CAPS2: variants seen among roughly 807,000 people sequenced by gnomAD.
CAPS2 encodes calcyphosine 2, also known as calcyphosin-2.
CAPS2 carries 98 observed loss-of-function variants against 86.5 expected under a neutral mutation model. That is an observed-to-expected ratio of 1.13 (90% CI 0.96 to 1.34). The LOEUF (loss-of-function observed/expected upper bound fraction) is 1.34. Ranked by LOEUF, CAPS2 falls within the 40% of genes most tolerant of loss-of-function variation. The pLI, the probability that CAPS2 is intolerant of heterozygous loss-of-function variation, is 0.00. For missense variants in CAPS2, 729 were observed against 686.8 expected, an observed-to-expected ratio of 1.06 and a Z score of -0.69; for synonymous variants, 210 against 225.1, an observed-to-expected ratio of 0.93 and a Z score of 0.60.
chr12:75,331,217 A>C (rs1211865252), upstream of CAPS2, among the ~76,000 whole-genome samples: 2 of 152,236 alleles, frequency 1.3e-5, no homozygotes, highest in Admixed American at 6.5e-5. Flanking sequence ...TAAATTACAC[A>C]GCCAAGAGTC....
intron 1 of CAPS2, among the ~76,000 whole-genome samples, chr12:75,380,405 T>C (rs1431555079): frequency 2.6e-5 from 4 of 152,150 alleles, no homozygotes; most frequent in Non-Finnish European, 1.5e-5. Flanking sequence ...GAAAGCAACA[T>C]ATCACTTGCC....
intron 7 of CAPS2, chr12:75,305,944 C>A (rs1181231286): frequency 3.5e-6 from 4 of 1,131,538 alleles, no homozygotes; most frequent in Non-Finnish European, 3.9e-6. Flanking sequence ...AGCGCTGGAG[C>A]CCGAGGAGCA....
At position 75,288,221 on chromosome 12, in the gene CAPS2, C is replaced by T. The variant is rs2035242807; in HGVS notation, c.1395+1400G>A. Among the ~76,000 whole-genome samples, 3 of 152,066 alleles carry T rather than the reference C, an allele frequency of 2.0e-5. No individual in the cohort carries two copies. The South Asian group carries it at 6.2e-4, about 32-fold the overall frequency. ...AAACGAAGAGAGGAAGTTAGATGAT[C>T]CCTAGTATGTATCACTAGGTAGGCA... On this transcript the variant is annotated intron_variant, in intron 14 of 16. Transcript: ENST00000393284.
exon 17 of CAPS2, chr12:75,277,366 T>C (rs1269093809): frequency 1.0e-6 from 1 of 976,690 alleles, no homozygotes; most frequent in Non-Finnish European, 1.2e-6. Context: ...CCAGTATTAG[T>C]CATTTTTAAC....
At chr12:75,306,409 T>G in intron 7 of CAPS2, 1 of 387,496 alleles carries the variant, frequency 2.6e-6, no homozygotes, top group Admixed American at 3.3e-5. Context: ...ACCAGGCCTG[T>G]GGAAGGGTGG....
chr12:75,358,076 T>A (rs2043272373), intron 1 of CAPS2, among the ~76,000 whole-genome samples: 1 of 151,270 alleles, frequency 6.6e-6, no homozygotes, highest in South Asian at 2.1e-4. Context: ...AACATTTTAT[T>A]AATAAAATTT....
intron 1 of CAPS2, among the ~76,000 whole-genome samples, chr12:75,377,602 A>G (rs1207379209): frequency 2.0e-5 from 3 of 152,116 alleles, no homozygotes; most frequent in Non-Finnish European, 4.4e-5. Flanking sequence ...AGCACAGGAG[A>G]AAGATGAAGG....
chr12:75,377,828 T>A (rs1295696369), intron 1 of CAPS2, among the ~76,000 whole-genome samples: 7 of 141,588 alleles, frequency 4.9e-5, no homozygotes, highest in Non-Finnish European at 9.1e-5. Flanking sequence ...ATACTTAATA[T>A]TAACCATCAC....
At chr12:75,282,458 C>A (rs1240744417) in intron 15 of CAPS2, 111 bp from the exon 16 acceptor site, 10 of 712,508 alleles carry the variant, frequency 1.4e-5, no homozygotes, top group Non-Finnish European at 2.5e-5. Flanking sequence ...GTGATCTCAG[C>A]TCACTGCAAT....
chr12:75,283,215 T>A (rs2034292333), intron 15 of CAPS2, among the ~76,000 whole-genome samples: 3 of 152,332 alleles, frequency 2.0e-5, no homozygotes, highest in African/African-American at 7.2e-5. Flanking sequence ...TAAGATATCA[T>A]GAAATATTTC....
In CAPS2 at chr12:75,306,141, C is replaced by T. The variant is rs952993319; in HGVS notation, c.660-1265G>A. The T allele has an allele frequency of 1.6e-5, 17 of 1,095,066 alleles. No individual in the cohort carries two copies. In the African/African-American group the frequency reaches 2.3e-4, roughly 15 times the overall value. 67.8% of individuals were successfully genotyped at this position (1,095,066 alleles called of 1,614,324 possible). On this transcript the variant is annotated intron_variant, in intron 7 of 16. Transcript: ENST00000393284. ...CATTCGGGAACGTGCGGAAGCTCATCACCGAGGAGTTCGTCCAGCAGAATT... is the reference window on the plus strand; with the variant it reads ...CATTCGGGAACGTGCGGAAGCTCATTACCGAGGAGTTCGTCCAGCAGAATT...
At chr12:75,379,090 C>T (rs1405937673) in intron 1 of CAPS2, among the ~76,000 whole-genome samples, 1 of 152,128 alleles carries the variant, frequency 6.6e-6, no homozygotes, top group Non-Finnish European at 1.5e-5. Flanking sequence ...AAAACATCCT[C>T]TGATTTTTAA....
intron 8 of CAPS2, among the ~76,000 whole-genome samples, chr12:75,302,266 A>G (rs1299736518): frequency 6.6e-6 from 1 of 152,228 alleles, no homozygotes; most frequent in Non-Finnish European, 1.5e-5. Flanking sequence ...GATTAGCTTT[A>G]AACAAGCTGT....
chr12:75,345,670 T>C (rs750138744), intron 1 of CAPS2, among the ~76,000 whole-genome samples: 3 of 152,146 alleles, frequency 2.0e-5, no homozygotes, highest in Non-Finnish European at 2.9e-5. Flanking sequence ...AAGTATATGG[T>C]TTGGATACTA....
exon 17 of CAPS2, chr12:75,277,515 T>A: frequency 1.1e-6 from 1 of 918,930 alleles, no homozygotes; most frequent in South Asian, 5.0e-5. Flanking sequence ...ATAACCTAAT[T>A]TTTAAAAAAA....
rs141131084 is a variant in CAPS2 at position 75,296,582 on chromosome 12, G to A, written c.1044+2105C>T. Among the ~76,000 whole-genome samples, 131 of 152,264 alleles carry A rather than the reference G, an allele frequency of 8.6e-4. 1 individual carries two copies. The highest frequency in any genetic ancestry group is 3.1e-3 in the African/African-American group (128 of 41,552). ...GCTGGGATTACAGGCGTGAGCCACC[G>A]CACCCAGCGTGGTCTCACTTTTATG... On this transcript the variant is annotated intron_variant, in intron 11 of 16. Transcript: ENST00000393284.
At chr12:75,352,516 AC>A (rs1180683156) in intron 1 of CAPS2, among the ~76,000 whole-genome samples, 2 of 152,216 alleles carry the variant, frequency 1.3e-5, no homozygotes, top group Non-Finnish European at 2.9e-5. Flanking sequence ...GTTCTTAGAG[AC>A]CTACAAAGTG....
At chr12:75,323,007 T>A in exon 4 of CAPS2, 1 of 1,548,416 alleles carries the variant, frequency 6.5e-7, no homozygotes, top group South Asian at 1.2e-5. Flanking sequence ...TATATGGAGT[T>A]TGACATGGTG....
chr12:75,346,921 T>A (rs892525244), intron 1 of CAPS2, among the ~76,000 whole-genome samples: 1 of 152,164 alleles, frequency 6.6e-6, no homozygotes, highest in African/African-American at 2.4e-5. Flanking sequence ...CCAGTATTTT[T>A]TTCCCTTTTT....
Sources: gnomAD v4.1 joint callset for allele counts (sites outside exome capture counted in the v4.1 genomes callset) on GRCh38, gnomAD v4.1.1 for gene constraint, MANE v1.5 for transcripts, NCBI Gene and HGNC (gene_info 2026-07-23, HGNC 2026-07-21) for gene names.